Variants in IQSEC1 observed in about 807,000 individuals in gnomAD.
IQSEC1 encodes the protein IQ motif and Sec7 domain ArfGEF 1, also known as IQ motif and SEC7 domain-containing protein 1.
Under a neutral mutation model 91.0 loss-of-function variants are expected in IQSEC1, and 31 were observed. That is an observed-to-expected ratio of 0.34 (90% CI 0.26 to 0.46). The LOEUF is 0.46. Ranked by LOEUF, IQSEC1 falls within the 20% of genes least tolerant of loss-of-function variation. The probability of loss-of-function intolerance (pLI) is 1.00; values close to 1 mark genes in which losing one functional copy is unlikely to be tolerated. For missense variants in IQSEC1, 1,388 were observed against 1,575.6 expected (o/e 0.88, Z 2.02); for synonymous variants, 699 against 662.6 (o/e 1.05, Z -0.84).
intron 1 of IQSEC1, among the ~76,000 whole-genome samples, chr3:13,220,315 T>C (rs1694633562): frequency 6.6e-6 from 1 of 152,338 alleles, no homozygotes; most frequent in East Asian, 1.9e-4. Flanking sequence ...ACATAGGGCC[T>C]GTGACCAACA....
At chr3:13,094,380 C>T (rs1207767945) in intron 2 of IQSEC1, among the ~76,000 whole-genome samples, 1 of 152,196 alleles carries the variant, frequency 6.6e-6, no homozygotes, top group African/African-American at 2.4e-5. Flanking sequence ...GATTTCACTT[C>T]CACCCCTCTC....
In IQSEC1 at chr3:12,909,406, C is replaced by T. The variant is rs1559608677; in HGVS notation, c.2445G>A (p.Ser815=). The T allele has an allele frequency of 6.2e-6, 10 of 1,613,948 alleles. No individual in the cohort carries two copies. In the East Asian group the frequency reaches 6.7e-5, roughly 11 times the overall value. The change falls in exon 11 of 14, where the codon TCG becomes TCA. Residue 815 remains serine, a synonymous_variant. Coordinates refer to ENST00000613206, the MANE Select transcript of IQSEC1 (RefSeq NM_001134382.3). The surrounding 1 kb of genome is among the most constrained non-coding windows in gnomAD (Gnocchi z 4.9). ...CTTTGATATCTGCTCCGGGGACAGA[C>T]GAGGTGAGCCGGATGCCATTGGGGT... The part of the protein sequence containing the change: ...QYYPNGIRLT[S]SVPGADIKVL...
At chr3:13,145,345 C>T (rs77842198) in intron 2 of IQSEC1, among the ~76,000 whole-genome samples, 9,275 of 152,260 alleles carry the variant, frequency 0.061, 381 homozygotes, top group East Asian at 0.19. Context: ...CTACTCCACC[C>T]CTAACAGAAT....
intron 1 of IQSEC1, among the ~76,000 whole-genome samples, chr3:13,007,474 C>T (rs1347343618): frequency 6.6e-6 from 1 of 152,216 alleles, no homozygotes; most frequent in East Asian, 1.9e-4. Context: ...CTAAGGAAAG[C>T]TAGGTTCTAG....
intron 2 of IQSEC1, among the ~76,000 whole-genome samples, chr3:13,159,204 C>G (rs1006886215): frequency 1.3e-5 from 2 of 152,048 alleles, no homozygotes; most frequent in African/African-American, 4.8e-5. Flanking sequence ...TTGAGGCAAG[C>G]GGATTACTTG....
chr3:12,997,232 G>T (rs1168773902), intron 1 of IQSEC1, among the ~76,000 whole-genome samples: 1 of 152,170 alleles, frequency 6.6e-6, no homozygotes, highest in African/African-American at 2.4e-5. Context: ...CAAGTTAAAA[G>T]GCTCTATGTA....
intron 1 of IQSEC1, among the ~76,000 whole-genome samples, chr3:12,997,069 G>C (rs1333378240): frequency 6.6e-6 from 1 of 152,216 alleles, no homozygotes; most frequent in African/African-American, 2.4e-5. Context: ...CGAAAGAAAA[G>C]AGCCATCTTC....
intron 1 of IQSEC1, among the ~76,000 whole-genome samples, chr3:13,276,220 C>T (rs1695677353): frequency 1.3e-5 from 2 of 150,270 alleles, no homozygotes; most frequent in African/African-American, 4.9e-5. Flanking sequence ...TCCCAAGTAG[C>T]TGGGACTACA....
At chr3:13,080,158 G>A (rs1391420483) in intron 2 of IQSEC1, among the ~76,000 whole-genome samples, 1 of 152,202 alleles carries the variant, frequency 6.6e-6, no homozygotes, top group African/African-American at 2.4e-5. Context: ...AGTAGAGGAG[G>A]GACATGGTGA....
At chr3:12,907,357 T>C (rs1010674572) in intron 12 of IQSEC1, among the ~76,000 whole-genome samples, 2 of 151,774 alleles carry the variant, frequency 1.3e-5, no homozygotes, top group Non-Finnish European at 2.9e-5. Flanking sequence ...GTGGGGCAGG[T>C]GGGGCAGGCA....
In IQSEC1 at chr3:13,282,264, G is replaced by A. The variant is rs1295493333; in HGVS notation, c.272+447C>T. 6.6e-6 allele frequency among the ~76,000 whole-genome samples: 1 copy of A among 152,220 alleles called. No individual in the cohort carries two copies. Among genetic ancestry groups the A allele is most frequent in the Non-Finnish European group, 1.5e-5 (1 of 68,028 alleles). Reference sequence around the variant, plus strand: ...GACACCGCAACCCGCAAGCGACCCAGGCCCGCTCCAGGGCGGGATCCGCGC... The same window carrying A: ...GACACCGCAACCCGCAAGCGACCCAAGCCCGCTCCAGGGCGGGATCCGCGC... On this transcript the variant is annotated intron_variant, in intron 1 of 15. Transcript: ENST00000648114. This position sits in a 1 kb window ranked among gnomAD's most constrained non-coding sequence, Gnocchi z 6.4.
chr3:12,944,559 GCTCGC>G (rs2125380746), intron 1 of IQSEC1, among the ~76,000 whole-genome samples: 1 of 152,212 alleles, frequency 6.6e-6, no homozygotes, highest in East Asian at 1.9e-4. Flanking sequence ...CCTCCCTCCG[GCTCGC>G]CTCGTCTTTG....
chr3:13,179,560 C>T (rs1693796901), intron 1 of IQSEC1, among the ~76,000 whole-genome samples: 1 of 152,272 alleles, frequency 6.6e-6, no homozygotes, highest in Admixed American at 6.5e-5. Flanking sequence ...GTGCACTTAA[C>T]AGAGCTTCAA....
At chr3:13,233,445 C>A (rs938799574) in intron 1 of IQSEC1, among the ~76,000 whole-genome samples, 1 of 152,220 alleles carries the variant, frequency 6.6e-6, no homozygotes, top group African/African-American at 2.4e-5. Flanking sequence ...GTGGACTTGG[C>A]TGAGCCACCC....
intron 1 of IQSEC1, among the ~76,000 whole-genome samples, chr3:13,234,680 A>G (rs979832878): frequency 1.3e-5 from 2 of 152,200 alleles, no homozygotes; most frequent in African/African-American, 2.4e-5. Context: ...GTGCATGCCC[A>G]GTCCCCAAAT....
chr3:13,132,294 A>G (rs1706633946), intron 2 of IQSEC1, among the ~76,000 whole-genome samples: 1 of 152,162 alleles, frequency 6.6e-6, no homozygotes, highest in African/African-American at 2.4e-5. Flanking sequence ...ATGAATCGTG[A>G]GGTTTTCCAT....
At chr3:12,902,643 CAAAA>C in intron 13 of IQSEC1, 126 bp downstream of exon 13, 1 of 305,398 alleles carries the variant, frequency 3.3e-6, no homozygotes, top group East Asian at 6.1e-5. Context: ...AAGGAAAAGC[CAAAA>C]AAAAAAACAA....
intron 2 of IQSEC1, among the ~76,000 whole-genome samples, chr3:13,120,574 C>T (rs1576259268): frequency 6.6e-6 from 1 of 152,306 alleles, no homozygotes; most frequent in East Asian, 1.9e-4. Context: ...GAGCTGCTCA[C>T]AGTCTAGAGG....
At chr3:13,142,400 C>T (rs1576269260) in intron 2 of IQSEC1, among the ~76,000 whole-genome samples, 2 of 152,192 alleles carry the variant, frequency 1.3e-5, no homozygotes. Context: ...ATGCCCACTG[C>T]CCAGAATAAT....
Sources: allele counts gnomAD v4.1 joint callset (sites outside exome capture counted in the v4.1 genomes callset), GRCh38; gene constraint gnomAD v4.1.1; non-coding constraint Gnocchi (gnomAD v3.1); transcripts MANE v1.5; gene names NCBI Gene and HGNC (gene_info 2026-07-23, HGNC 2026-07-21).